The following SNX29 variants were observed in gnomAD, a reference collection of about 807,000 sequenced individuals.
The protein encoded by SNX29 is sorting nexin 29.
A neutral mutation model predicts 102.1 loss-of-function variants in SNX29; 78 were observed. The ratio of observed to expected loss-of-function variants is 0.76; its 90% confidence interval spans 0.64 to 0.92. The LOEUF is 0.92. SNX29 is among the 40% of genes least tolerant of loss of function. The pLI is 0.00. For missense variants in SNX29, 1,280 were observed against 1,061.7 expected (o/e 1.21, Z -2.86); for synonymous variants, 580 against 414.5 (o/e 1.40, Z -4.85).
chr16:12,022,037 C>A (rs2057040145), intron 3 of SNX29, among the ~76,000 whole-genome samples: 1 of 151,284 alleles, frequency 6.6e-6, no homozygotes, highest in African/African-American at 2.4e-5. Context: ...CTTCATTTTC[C>A]ATTCACAACT....
At chr16:12,242,367 AT>A (rs869193950) in intron 14 of SNX29, among the ~76,000 whole-genome samples, 6,361 of 141,404 alleles carry the variant, frequency 0.045, 192 homozygotes, top group Admixed American at 0.094. Context: ...ATATATATAT[AT>A]TTTTTTTTTT....
At chr16:12,305,581 G>A (rs1360829703) in intron 15 of SNX29, among the ~76,000 whole-genome samples, 2 of 152,124 alleles carry the variant, frequency 1.3e-5, no homozygotes, top group African/African-American at 2.4e-5. Flanking sequence ...TTGCTATTTT[G>A]TTCTCCATAG....
At position 12,568,969 on chromosome 16, in the gene SNX29, A is replaced by C. The variant is rs77505804; in HGVS notation, c.*340A>C. On this transcript the variant is annotated 3_prime_UTR_variant, in exon 21 of 21. Coordinates refer to ENST00000566228, the MANE Select transcript of SNX29 (RefSeq NM_032167.5). ...GGCACCAGGTCAGGCTGGGTGCGCC[A>C]TGGTTGAGAGGCAAAGGTGATCCCC... The C allele has an allele frequency of 2.8e-6, 1 of 359,966 alleles. No homozygotes were observed. Among genetic ancestry groups the C allele is most frequent in the African/African-American group, 2.1e-5 (1 of 48,676 alleles). The allele number at this position is 359,966 out of a possible 1,614,324, so 22.3% of individuals were successfully genotyped here. A position where few individuals can be genotyped will look rare whatever the true frequency, so the allele number is the denominator to read the frequency against.
intron 14 of SNX29, among the ~76,000 whole-genome samples, chr16:12,246,114 G>C (rs1223317358): frequency 2.0e-5 from 3 of 152,208 alleles, no homozygotes. Flanking sequence ...CACAGGTGAT[G>C]ACCAAGAGGG....
intron 16 of SNX29, among the ~76,000 whole-genome samples, chr16:12,357,194 A>G (rs1042577845): frequency 5.3e-5 from 8 of 152,194 alleles, no homozygotes; most frequent in Admixed American, 3.9e-4. Flanking sequence ...ATGCACGCTC[A>G]TATATCCTTT....
intron 13 of SNX29, among the ~76,000 whole-genome samples, chr16:12,136,936 C>G (rs9673762): frequency 0.033 from 5,033 of 152,242 alleles, 119 homozygotes; most frequent in East Asian, 0.17. Flanking sequence ...GATGGGGTTT[C>G]ACCATGTTGG....
chr16:12,157,244 C>T (rs1440616121), intron 13 of SNX29, among the ~76,000 whole-genome samples: 1 of 152,158 alleles, frequency 6.6e-6, no homozygotes, highest in Non-Finnish European at 1.5e-5. Flanking sequence ...CTGTCTCCAC[C>T]CTGCTTCCAC....
chr16:12,571,345 TAAGCCACGACCTTATCCATGAGTGGCG>T lies in SNX29; in HGVS notation c.*2720_*2746del. 1 of 231,556 alleles carries T rather than the reference TAAGCCACGACCTTATCCATGAGTGGCG, an allele frequency of 4.3e-6. No homozygotes were observed. The highest frequency in any genetic ancestry group is 8.5e-6 in the Non-Finnish European group (1 of 117,032). 14.3% of individuals were successfully genotyped at this position (231,556 alleles called of 1,614,324 possible). A position where few individuals can be genotyped will look rare whatever the true frequency, so the allele number is the denominator to read the frequency against. ...TCAGCCTGGATTCAATTCTGAGGGC[TAAGCCACGACCTTATCCATGAGTGGCG>T]AAGACACCCCTGAGGAAAGGATTGC... On this transcript the variant is annotated 3_prime_UTR_variant, in exon 21 of 21. Coordinates refer to ENST00000566228, the MANE Select transcript of SNX29 (RefSeq NM_032167.5).
intron 20 of SNX29, chr16:12,557,706 T>C (rs8052778): frequency 0.88 from 133,996 of 152,232 alleles, 59,820 homozygotes; most frequent in Middle Eastern, 0.98. Flanking sequence ...GCTCGTTTGA[T>C]ACCAGCATCA....
At chr16:12,529,695 G>T (rs1422800999) in intron 20 of SNX29, among the ~76,000 whole-genome samples, 7 of 151,996 alleles carry the variant, frequency 4.6e-5, no homozygotes, top group Non-Finnish European at 5.9e-5. Context: ...ATTTGCTGCT[G>T]CATTCTCTCT....
chr16:12,061,528 G>A lies in SNX29; in HGVS notation c.1125G>A (p.Lys375=), dbSNP rs4780409. 95 of 1,594,560 alleles carry A rather than the reference G, an allele frequency of 6.0e-5. No homozygotes were observed. Among genetic ancestry groups the A allele is most frequent in the Non-Finnish European group, 7.6e-5 (89 of 1,171,798 alleles). The part of the protein sequence containing the change: ...KHRGHSESPE[K]PLEGNTCLSQ... ...CTGCAGCTGTATTCTTTCACCTTAG[G>A]CCACTGGAAGGGAACACCTGCCTCT... Residue 375 remains lysine (K), a splice_region_variant and synonymous_variant, in exon 9 of 21, where the codon AAG becomes AAA. Transcript: ENST00000566228.
intron 20 of SNX29, among the ~76,000 whole-genome samples, chr16:12,528,152 C>T (rs183608098): frequency 3.3e-5 from 5 of 151,942 alleles, no homozygotes; most frequent in Non-Finnish European, 7.4e-5. Flanking sequence ...AATTCAAGTA[C>T]TTGCCAACAT....
chr16:12,433,192 T>A (rs576528014), intron 18 of SNX29, among the ~76,000 whole-genome samples: 1 of 152,314 alleles, frequency 6.6e-6, no homozygotes, highest in South Asian at 2.1e-4. Flanking sequence ...TTAGCCACAG[T>A]TCTGGGCAGC....
chr16:12,201,171 T>A (rs912202856), intron 14 of SNX29, among the ~76,000 whole-genome samples: 2 of 152,230 alleles, frequency 1.3e-5, no homozygotes, highest in African/African-American at 4.8e-5. Context: ...TCTGGAGTTA[T>A]CAGTGCAGAA....
intron 15 of SNX29, among the ~76,000 whole-genome samples, chr16:12,352,187 TA>T (rs577532250): frequency 7.0e-4 from 107 of 152,244 alleles, no homozygotes; most frequent in African/African-American, 2.6e-3. Flanking sequence ...TATGCAGCCA[TA>T]AAAAATGATG....
chr16:12,289,245 C>A (rs2079711014), intron 15 of SNX29, among the ~76,000 whole-genome samples: 1 of 152,190 alleles, frequency 6.6e-6, no homozygotes, highest in African/African-American at 2.4e-5. Flanking sequence ...GGGTTATCCG[C>A]CCATGCAGCA....
chr16:12,518,952 C>T (rs1039283308), intron 19 of SNX29, among the ~76,000 whole-genome samples: 3 of 152,142 alleles, frequency 2.0e-5, no homozygotes, highest in South Asian at 2.1e-4. Context: ...TCTGGGGCCT[C>T]GGCTGGTCAT....
chr16:12,465,843 T>G (rs2087026176), intron 18 of SNX29, among the ~76,000 whole-genome samples: 1 of 152,128 alleles, frequency 6.6e-6, no homozygotes, highest in Admixed American at 6.5e-5. Context: ...TTTGTGTTTT[T>G]TTTTTTCAGT....
intron 11 of SNX29, among the ~76,000 whole-genome samples, chr16:12,114,610 G>C (rs2053621665): frequency 6.6e-6 from 1 of 151,180 alleles, no homozygotes; most frequent in African/African-American, 2.4e-5. Context: ...TTCTTGAGAC[G>C]GAGTTTTGCT....
Sources: gnomAD v4.1 joint callset for allele counts (sites outside exome capture counted in the v4.1 genomes callset) on GRCh38, gnomAD v4.1.1 for gene constraint, MANE v1.5 for transcripts, NCBI Gene and HGNC (gene_info 2026-07-23, HGNC 2026-07-21) for gene names.